Variants in UGGT1 observed in about 807,000 individuals in gnomAD.
UGGT1 encodes the protein UDP-glucose:glycoprotein glucosyltransferase 1.
A neutral mutation model predicts 203.9 loss-of-function variants in UGGT1; 107 were observed. That is an observed-to-expected ratio of 0.52 (90% CI 0.45 to 0.62). The LOEUF (loss-of-function observed/expected upper bound fraction) is 0.62, where lower values mean the gene tolerates loss of function less well. UGGT1 is among the 20% of genes least tolerant of loss of function. UGGT1 has a pLI of 0.00. For missense variants in UGGT1, 1,673 were observed against 1,867.2 expected, an observed-to-expected ratio of 0.90 and a Z score of 1.92; for synonymous variants, 628 against 653.5, an observed-to-expected ratio of 0.96 and a Z score of 0.59.
intron 26 of UGGT1, among the ~76,000 whole-genome samples, chr2:128,167,457 C>CA (rs1259040885): frequency 6.6e-6 from 1 of 152,122 alleles, no homozygotes; most frequent in Non-Finnish European, 1.5e-5. Flanking sequence ...TTCTTGCCCT[C>CA]AAAGTGTGGT....
intron 28 of UGGT1, among the ~76,000 whole-genome samples, chr2:128,171,966 T>A (rs1037974117): frequency 6.6e-6 from 1 of 152,248 alleles, no homozygotes; most frequent in Non-Finnish European, 1.5e-5. Context: ...ATGGGAAATT[T>A]CTAACTTGCC....
chr2:128,110,370 G>A (rs764468777), intron 5 of UGGT1, among the ~76,000 whole-genome samples: 2 of 152,318 alleles, frequency 1.3e-5, no homozygotes, highest in Admixed American at 6.5e-5. Flanking sequence ...GCTAATGGCA[G>A]TTAGGTGGTG....
In UGGT1 at chr2:128,148,960, G is replaced by A. The variant is rs145806222; in HGVS notation, c.2016+2993G>A. On this transcript the variant is annotated intron_variant, in intron 18 of 40. Transcript: ENST00000259253. ...CTAGTGTCCTAGTTGTTTTATTTTG[G>A]GGCCATTGATTTTCAAGGCTTTGTG... 4.4e-3 allele frequency among the ~76,000 whole-genome samples: 673 copies of A among 152,158 alleles called. 2 individuals are homozygous for A. The highest frequency in any genetic ancestry group is 0.015 in the African/African-American group (639 of 41,516).
rs1688659193 is a variant in UGGT1 at position 128,127,471 on chromosome 2, A to C, written c.1226+19A>C. The stretch of plus-strand genomic sequence containing the variant: ...TATTCAGGTATGGATAATATTTTTC[A>C]TTCTCTGAAAAGTTTTTGTAATGCG... On this transcript the variant is annotated intron_variant, in intron 12 of 40. Transcript: ENST00000259253. The C allele has an allele frequency of 6.3e-7, 1 of 1,581,790 alleles. No individual in the cohort carries two copies. The highest frequency in any genetic ancestry group is 8.7e-7 in the Non-Finnish European group (1 of 1,155,662).
intron 16 of UGGT1, 115 bp downstream of exon 16, chr2:128,138,967 C>T: frequency 2.2e-6 from 3 of 1,367,452 alleles, no homozygotes; most frequent in Non-Finnish European, 3.0e-6. Context: ...GGGGTGGGTC[C>T]TGAATTTAAA....
At chr2:128,176,443 G>T (rs1182452308) in intron 31 of UGGT1, among the ~76,000 whole-genome samples, 1 of 150,478 alleles carries the variant, frequency 6.6e-6, no homozygotes, top group African/African-American at 2.4e-5. Flanking sequence ...AGCGGAGGCA[G>T]TGTGGTTCCA....
chr2:128,192,125 C>G lies in UGGT1; in HGVS notation c.*2383C>G, dbSNP rs1055003429. The G allele has an allele frequency of 6.6e-6, 1 of 152,226 alleles. No homozygotes were observed. The highest frequency in any genetic ancestry group is 6.5e-5 in the Admixed American group (1 of 15,282). The allele number at this position is 152,226 out of a possible 1,614,324, so 9.4% of individuals were successfully genotyped here. On this transcript the variant is annotated 3_prime_UTR_variant, in exon 41 of 41. Transcript: ENST00000259253. Reference sequence around the variant, plus strand: ...GGAAGACAAGAGTAGACCATATTCTCTGTGTGCTGTGCATGTCCTGGTGTC... The same window carrying G: ...GGAAGACAAGAGTAGACCATATTCTGTGTGTGCTGTGCATGTCCTGGTGTC...
intron 15 of UGGT1, among the ~76,000 whole-genome samples, chr2:128,135,776 G>C (rs1262238362): frequency 1.3e-5 from 2 of 152,190 alleles, no homozygotes; most frequent in Non-Finnish European, 2.9e-5. Context: ...AAAAATCATT[G>C]AGATATTTGG....
intron 40 of UGGT1, among the ~76,000 whole-genome samples, chr2:128,189,515 GT>G (rs1692152548): frequency 6.6e-6 from 1 of 152,286 alleles, no homozygotes; most frequent in Non-Finnish European, 1.5e-5. Context: ...TTTACAGATA[GT>G]TTCCATTTTT....
At chr2:128,141,793 GA>G (rs1484051833) in intron 16 of UGGT1, among the ~76,000 whole-genome samples, 1 of 150,120 alleles carries the variant, frequency 6.7e-6, no homozygotes, top group African/African-American at 2.5e-5. Context: ...CCTGGGTGAT[GA>G]GTGGAAACTC....
At position 128,193,380 on chromosome 2, in the gene UGGT1, T is replaced by G. The variant is rs916612712; in HGVS notation, c.*3638T>G. 12 of 150,984 alleles carry G rather than the reference T, an allele frequency of 7.9e-5. No homozygotes were observed. Among genetic ancestry groups the G allele is most frequent in the African/African-American group, 2.9e-4 (12 of 41,100 alleles). The allele number at this position is 150,984 out of a possible 1,614,324, so 9.4% of individuals were successfully genotyped here. A position where few individuals can be genotyped will look rare whatever the true frequency, so the allele number is the denominator to read the frequency against. The stretch of plus-strand genomic sequence containing the variant: ...AATTCTCCTGCCTCAGCCTCCTGAG[T>G]AGCTGGGATTACAGGCGCCTGCCAC... On this transcript the variant is annotated 3_prime_UTR_variant, in exon 41 of 41. Transcript: ENST00000259253.
chr2:128,106,906 C>T (rs374646305), intron 3 of UGGT1, among the ~76,000 whole-genome samples: 1 of 152,114 alleles, frequency 6.6e-6, no homozygotes, highest in African/African-American at 2.4e-5. Flanking sequence ...ATCTCTTGAG[C>T]TCCTGGGCTC....
intron 38 of UGGT1, among the ~76,000 whole-genome samples, chr2:128,185,282 C>T (rs958211180): frequency 1.3e-5 from 2 of 150,880 alleles, no homozygotes; most frequent in African/African-American, 4.9e-5. Flanking sequence ...TCACTGCAAC[C>T]TCAGCCTCCC....
chr2:128,138,433 T>G (rs766343357), intron 15 of UGGT1, among the ~76,000 whole-genome samples: 2 of 152,008 alleles, frequency 1.3e-5, no homozygotes, highest in Non-Finnish European at 2.9e-5. Context: ...GAGAATCGCT[T>G]GAACCTGGGA....
intron 38 of UGGT1, among the ~76,000 whole-genome samples, chr2:128,184,092 A>G (rs1290692926): frequency 6.6e-6 from 1 of 152,114 alleles, no homozygotes; most frequent in Admixed American, 6.5e-5. Context: ...ACTCAAACTA[A>G]TCTCATAGGT....
At chr2:128,108,190 G>A (rs571465419) in intron 4 of UGGT1, 122 bp downstream of exon 4, 40 of 1,245,576 alleles carry the variant, frequency 3.2e-5, no homozygotes, top group Admixed American at 1.3e-4. Context: ...AAATTTTCTA[G>A]GATTTATGAT....
chr2:128,176,434 G>A (rs1416941719), intron 31 of UGGT1, among the ~76,000 whole-genome samples: 1 of 144,710 alleles, frequency 6.9e-6, no homozygotes, highest in African/African-American at 2.6e-5. Context: ...AAAAAAAAGA[G>A]CGGAGGCAGT....
intron 6 of UGGT1, 131 bp downstream of exon 6, chr2:128,113,389 G>C (rs767839232): frequency 2.9e-6 from 2 of 697,080 alleles, no homozygotes; most frequent in Non-Finnish European, 4.3e-6. Flanking sequence ...AAATCCAGTA[G>C]TTTCATTGAG....
At chr2:128,152,139 C>T (rs1573579737) in intron 18 of UGGT1, among the ~76,000 whole-genome samples, 1 of 151,748 alleles carries the variant, frequency 6.6e-6, no homozygotes, top group East Asian at 1.9e-4. Context: ...GTTTTTATTA[C>T]AAAGTATATT....
Sources: gnomAD v4.1 joint callset for allele counts (sites outside exome capture counted in the v4.1 genomes callset) on GRCh38, gnomAD v4.1.1 for gene constraint, MANE v1.5 for transcripts, NCBI Gene and HGNC (gene_info 2026-07-23, HGNC 2026-07-21) for gene names.